The following FLG variants were observed in gnomAD, a reference collection of about 807,000 sequenced individuals.
The protein encoded by FLG is filaggrin.
In FLG, 6 loss-of-function variants were observed where a neutral mutation model predicts 3.8. That is an observed-to-expected ratio of 1.60 (90% CI 0.87 to 3.15). FLG has a LOEUF of 3.15. FLG is among the 30% of genes most tolerant of loss of function. The probability of loss-of-function intolerance (pLI) is 0.00; values close to 1 mark genes in which losing one functional copy is unlikely to be tolerated. For synonymous variants in FLG, 2,551 were observed against 1,931.6 expected (o/e 1.32, Z -8.41); for missense variants, 7,595 against 5,050.9 (o/e 1.50, Z -15.27).
Position 152,305,401 on chromosome 1 carries a change from C to T in FLG, c.9485G>A (p.Ser3162Asn). 1.2e-6 allele frequency: 2 copies of T among 1,605,360 alleles called. No homozygotes were observed. Among genetic ancestry groups the T allele is most frequent in the Non-Finnish European group, 1.7e-6 (2 of 1,178,776 alleles). ...SRGQSGSRSA[S>N]RTTRNEEQSG... ...TTGTTCCTCATTACGTGTTGTTCTG[C>T]TTGCACTTCTGGATCCTGACTGCCC... Residue 3162 changes from serine to asparagine, a missense_variant, in exon 3 of 3, where the codon AGC becomes AAC. Ser to Asn is a conservative substitution (Grantham distance 46). Transcript: ENST00000368799.
chr1:152,308,776 C>T lies in FLG; in HGVS notation c.6110G>A (p.Arg2037Gln), dbSNP rs776386323. Residue 2037 changes from arginine to glutamine, a missense_variant, in exon 3 of 3, where the codon CGA becomes CAA. Arg to Gln is a conservative substitution (Grantham distance 43). Coordinates refer to ENST00000368799, the MANE Select transcript of FLG (RefSeq NM_002016.2). Reference protein sequence around the residue: ...ASSAVRDSGHRGYSGSQASDS... With the variant: ...ASSAVRDSGHQGYSGSQASDS... ...ACTGGCCTGACTACCACTGTACCCT[C>T]GGTGTCCACTGTCTCTGACTGCAGA... The T allele has an allele frequency of 2.4e-5, 39 of 1,614,024 alleles. No homozygotes were observed. In the African/African-American group the frequency reaches 3.1e-4, roughly 13 times the overall value.
Position 152,310,599 on chromosome 1 carries a change from G to A in FLG, c.4287C>T (p.Gly1429=), listed in dbSNP as rs545558175. The change falls in exon 3 of 3, where the codon GGC becomes GGT. Residue 1429 remains glycine (G), a synonymous_variant. Transcript: ENST00000368799. The part of the protein sequence containing the change: ...HQQSHKESAR[G]QSGESSGRSR... Reference sequence around the variant, plus strand: ...AACGTCCAGAGCTTTCCCCTGACTGGCCACGTGCGGACTCTTTGTGGCTCT... The same window carrying A: ...AACGTCCAGAGCTTTCCCCTGACTGACCACGTGCGGACTCTTTGTGGCTCT... The A allele has an allele frequency of 9.3e-6, 15 of 1,613,896 alleles. No homozygotes were observed. The South Asian group carries it at 1.5e-4, about 17-fold the overall frequency.
In FLG at chr1:152,307,660, C is replaced by T. The variant is rs1252332735; in HGVS notation, c.7226G>A (p.Gly2409Glu). 3 of 1,613,350 alleles carry T rather than the reference C, an allele frequency of 1.9e-6. No individual in the cohort carries two copies. Among genetic ancestry groups the T allele is most frequent in the African/African-American group, 2.7e-5 (2 of 74,628 alleles). Residue 2409 changes from glycine to glutamate, a missense_variant, in exon 3 of 3, where the codon GGA becomes GAA. Coordinates refer to ENST00000368799, the MANE Select transcript of FLG (RefSeq NM_002016.2). The part of the protein sequence containing the change: ...STRGRSAGRS[G>E]RSGSFLYQVS... ...CTGGTAGAGGAAAGACCCTGAACGT[C>T]CAGACCTTCCTGCTGACCGGCCACG...
rs1652161986 is a variant in FLG, at chr1:152,308,692, G to A, written c.6194C>T (p.Ala2065Val). 1 of 1,614,018 alleles carries A rather than the reference G, an allele frequency of 6.2e-7. No individual in the cohort carries two copies. Among genetic ancestry groups the A allele is most frequent in the African/African-American group, 1.3e-5 (1 of 74,916 alleles). ...DTQSVSAQGK[A>V]GPHQQSHKES... is the part of the protein sequence containing the mutation. ...TTTGTGGCTCTGCTGATGGGGCCCA[G>A]CTTTTCCCTGTGCTGACACTGACTG... The change falls in exon 3 of 3, where the codon GCT becomes GTT. Residue 2065 changes from alanine (A) to valine (V), a missense_variant. Physicochemically the swap from Ala to Val is moderately conservative, Grantham distance 64. Coordinates refer to ENST00000368799, the MANE Select transcript of FLG (RefSeq NM_002016.2).
At chr1:152,314,831 C>T (rs3126082) in intron 2 of FLG, 84 bp from the exon 3 acceptor site, 5 of 1,561,250 alleles carry the variant, frequency 3.2e-6, no homozygotes, top group Admixed American at 1.8e-5. Context: ...ATTTAAGGAA[C>T]CTGATCTTTG....
chr1:152,309,088 C>A lies in FLG; in HGVS notation c.5798G>T (p.Arg1933Met). The change falls in exon 3 of 3, where the codon AGG becomes ATG. Residue 1933 changes from arginine to methionine, a missense_variant. Physicochemically the swap from Arg to Met is moderately conservative, Grantham distance 91. Transcript: ENST00000368799. ...DSQGHSEDSE[R>M]WSGSASRNHL... ...GTTTCTGGAAGCAGACCCAGACCAC[C>A]TCTCAGAGTCTTCTGAGTGTCCCTG... 1 of 1,614,098 alleles carries A rather than the reference C, an allele frequency of 6.2e-7. No individual in the cohort carries two copies. The highest frequency in any genetic ancestry group is 1.1e-5 in the South Asian group (1 of 91,086).
At position 152,312,073 on chromosome 1, in the gene FLG, G is replaced by T. The variant is rs141646551; in HGVS notation, c.2813C>A (p.Thr938Lys). ...AACACTGGATCCCTGGCGCCTGCTT[G>T]TCCTGGACCCCTCTGATTGTCCCTG... ...AGQGQSEGSR[T>K]SRRQGSSVSQ... Residue 938 changes from threonine to lysine, a missense_variant, in exon 3 of 3, where the codon ACA becomes AAA. By Grantham distance (78) the Thr-to-Lys change is moderately conservative (BLOSUM62 -1). Transcript: ENST00000368799. The T allele has an allele frequency of 1.7e-5, 26 of 1,541,296 alleles. No individual in the cohort carries two copies. The highest frequency in any genetic ancestry group is 2.3e-5 in the Non-Finnish European group (26 of 1,129,248).
chr1:152,324,556 C>T (rs1263755532), intron 1 of FLG, among the ~76,000 whole-genome samples: 2 of 151,846 alleles, frequency 1.3e-5, no homozygotes, highest in Non-Finnish European at 2.9e-5. Flanking sequence ...AAGCACTTTC[C>T]TCCTCCCTCC....
Position 152,307,795 on chromosome 1 carries a change from C to G in FLG, c.7091G>C (p.Ser2364Thr). Residue 2364 changes from serine (S) to threonine (T), a missense_variant, in exon 3 of 3, where the codon AGT (serine) becomes ACT (threonine). By Grantham distance (58) the Ser-to-Thr change is moderately conservative (BLOSUM62 1). Coordinates refer to ENST00000368799, the MANE Select transcript of FLG (RefSeq NM_002016.2). ...AVRDSGHRGS[S>T]GSQASDSEGH... is the part of the protein sequence containing the mutation. ...CTCACTGTCACTGGCCTGACTACCA[C>G]TGGACCCTCGGTGTCCACTGTCTCT... 2 of 1,613,442 alleles carry G rather than the reference C, an allele frequency of 1.2e-6. No homozygotes were observed. Among genetic ancestry groups the G allele is most frequent in the Non-Finnish European group, 1.7e-6 (2 of 1,179,856 alleles).
At chr1:152,319,785 A>G (rs770520869) in intron 1 of FLG, among the ~76,000 whole-genome samples, 5 of 151,526 alleles carry the variant, frequency 3.3e-5, no homozygotes, top group African/African-American at 4.8e-5. Flanking sequence ...AAACAGAGCT[A>G]ATCACCAGAG....
intron 1 of FLG, among the ~76,000 whole-genome samples, chr1:152,315,983 G>T (rs1397959469): frequency 6.6e-6 from 1 of 152,130 alleles, no homozygotes; most frequent in African/African-American, 2.4e-5. Context: ...ATTTCATGAA[G>T]TTTATAATAT....
At position 152,312,545 on chromosome 1, in the gene FLG, C is replaced by T; in HGVS notation, c.2341G>A (p.Asp781Asn). 1 of 1,613,666 alleles carries T rather than the reference C, an allele frequency of 6.2e-7. No homozygotes were observed. ...CGTCGAGACCTTTCCCCTGACCGGTCACGTGCGGACTCTTGGTGGCTCTGC... is the reference window on the plus strand; with the variant it reads ...CGTCGAGACCTTTCCCCTGACCGGTTACGTGCGGACTCTTGGTGGCTCTGC... ...HQQSHQESAR[D>N]RSGERSRRSG... The change falls in exon 3 of 3, where the codon GAC becomes AAC. Residue 781 changes from aspartate (D) to asparagine (N), a missense_variant. Transcript: ENST00000368799.
intron 1 of FLG, among the ~76,000 whole-genome samples, chr1:152,323,396 A>C (rs1262509632): frequency 6.6e-6 from 1 of 151,818 alleles, no homozygotes; most frequent in Non-Finnish European, 1.5e-5. Context: ...AAACACATTT[A>C]ACCAATAAAG....
rs1297280870 is a variant in FLG at position 152,313,673 on chromosome 1, CT to C, written c.1212del (p.Ala405LeufsTer41). Reference protein sequence around the residue: ...SSRHSATGRGQASSAVSDRGH... With the variant: ...SSRHSATGRGXASSAVSDRGH... ...CCACGATCGCTGACTGCAGATGAAG[CT>C]TGCCCGCGCCCAGTGGCTGAGTGTC... On this transcript the variant is annotated frameshift_variant, in exon 3 of 3. Coordinates refer to ENST00000368799, the MANE Select transcript of FLG (RefSeq NM_002016.2). LOFTEE classifies it low-confidence loss of function (END_TRUNC). 1 of 1,614,048 alleles carries C rather than the reference CT, an allele frequency of 6.2e-7. No homozygotes were observed. Among genetic ancestry groups the C allele is most frequent in the African/African-American group, 1.3e-5 (1 of 74,982 alleles).
chr1:152,302,531 C>G lies in FLG; in HGVS notation c.*169G>C. On this transcript the variant is annotated 3_prime_UTR_variant, in exon 3 of 3. Coordinates refer to ENST00000368799, the MANE Select transcript of FLG (RefSeq NM_002016.2). ...TTTCTGAAATATAGCGTTTAAAGAT[C>G]ATTACACAATAAAAATAAGCTACCA... is the stretch of plus-strand genomic sequence containing the variant. 1 of 814,120 alleles carries G rather than the reference C, an allele frequency of 1.2e-6. No homozygotes were observed. The highest frequency in any genetic ancestry group is 1.9e-6 in the Non-Finnish European group (1 of 531,340). The allele number at this position is 814,120 out of a possible 1,614,324, so 50.4% of individuals were successfully genotyped here. A position where few individuals can be genotyped will look rare whatever the true frequency, so the allele number is the denominator to read the frequency against.
chr1:152,315,243 G>T (rs1652741253), intron 2 of FLG, 76 bp downstream of exon 2: 3 of 1,356,504 alleles, frequency 2.2e-6, no homozygotes, highest in Non-Finnish European at 3.1e-6. Context: ...TTCACAAAGA[G>T]CTCAAAATAA....
At position 152,310,978 on chromosome 1, in the gene FLG, C is replaced by G. The variant is rs558952058; in HGVS notation, c.3908G>C (p.Arg1303Thr). The G allele has an allele frequency of 1.9e-6, 3 of 1,613,822 alleles. No homozygotes were observed. The highest frequency in any genetic ancestry group is 4.5e-5 in the East Asian group (2 of 44,870). Residue 1303 changes from arginine (R) to threonine (T), a missense_variant, in exon 3 of 3, where the codon AGA becomes ACA. Coordinates refer to ENST00000368799, the MANE Select transcript of FLG (RefSeq NM_002016.2). ...NHHGSSREQSRDGSRHPGFHQ... is the reference protein window; with the variant it reads ...NHHGSSREQSTDGSRHPGFHQ... ...GAACCCAGGGTGTCTGGAGCCATCT[C>G]TTGACTGCTCCCGAGAAGATCCATG...
chr1:152,323,271 C>T (rs1653036999), intron 1 of FLG, among the ~76,000 whole-genome samples: 1 of 151,482 alleles, frequency 6.6e-6, no homozygotes, highest in Non-Finnish European at 1.5e-5. Context: ...TCAAAAAGTA[C>T]TAATTAATAA....
Position 152,308,691 on chromosome 1 carries a change from A to T in FLG, c.6195T>A (p.Ala2065=). 1 of 1,614,108 alleles carries T rather than the reference A, an allele frequency of 6.2e-7. No individual in the cohort carries two copies. Among genetic ancestry groups the T allele is most frequent in the Non-Finnish European group, 8.5e-7 (1 of 1,179,994 alleles). The part of the protein sequence containing the change: ...DTQSVSAQGK[A]GPHQQSHKES... ...CTTTGTGGCTCTGCTGATGGGGCCC[A>T]GCTTTTCCCTGTGCTGACACTGACT... Residue 2065 remains alanine, a synonymous_variant, in exon 3 of 3, where the codon GCT becomes GCA. Coordinates refer to ENST00000368799, the MANE Select transcript of FLG (RefSeq NM_002016.2).
Sources: gnomAD v4.1 joint callset for allele counts (sites outside exome capture counted in the v4.1 genomes callset) on GRCh38, gnomAD v4.1.1 for gene constraint, MANE v1.5 for transcripts, NCBI Gene and HGNC (gene_info 2026-07-23, HGNC 2026-07-21) for gene names.